The following NTM variants were observed in gnomAD, a reference collection of about 807,000 sequenced individuals.
NTM encodes the protein neurotrimin, also known as IgLON family member 2.
A neutral mutation model predicts 42.1 loss-of-function variants in NTM; 13 were observed. The ratio of observed to expected loss-of-function variants is 0.31; its 90% CI spans 0.20 to 0.49. NTM has a LOEUF of 0.49. Ranked by LOEUF, NTM falls within the 20% of genes least tolerant of loss-of-function variation. The probability of loss-of-function intolerance (pLI) is 0.99; values close to 1 mark genes in which losing one functional copy is unlikely to be tolerated. For missense variants in NTM, 373 were observed against 452.8 expected, an observed-to-expected ratio of 0.82 and a Z score of 1.60; for synonymous variants, 187 against 179.2, an observed-to-expected ratio of 1.04 and a Z score of -0.35.
At chr11:132,086,195 GCGC>G (rs2059682445) in intron 2 of NTM, among the ~76,000 whole-genome samples, 1 of 151,740 alleles carries the variant, frequency 6.6e-6, no homozygotes, top group African/African-American at 2.4e-5. Flanking sequence ...ATGGTGGTGG[GCGC>G]CTGTAGTCCC....
intron 1 of NTM, among the ~76,000 whole-genome samples, chr11:131,424,595 C>CTTTTTTTTTTTTT (rs1446801058): frequency 1.5e-4 from 6 of 39,616 alleles, no homozygotes; most frequent in African/African-American, 6.4e-4. Flanking sequence ...TATTTCTTTT[C>CTTTTTTTTTTTTT]TTTTCTTTTT....
chr11:132,128,424 C>T (rs1344951945), intron 2 of NTM, among the ~76,000 whole-genome samples: 1 of 152,166 alleles, frequency 6.6e-6, no homozygotes, highest in Admixed American at 6.5e-5. Flanking sequence ...TGCCTGGGGA[C>T]TGTAGAGAGC....
At chr11:131,806,926 T>C (rs1731075387) in intron 1 of NTM, among the ~76,000 whole-genome samples, 1 of 152,162 alleles carries the variant, frequency 6.6e-6, no homozygotes, top group South Asian at 2.1e-4. Context: ...GTTATTAGGG[T>C]ATAAATATTG....
At chr11:131,704,445 T>C (rs1392662342) in intron 1 of NTM, among the ~76,000 whole-genome samples, 2 of 152,206 alleles carry the variant, frequency 1.3e-5, no homozygotes, top group African/African-American at 4.8e-5. Context: ...CCTCATTAGA[T>C]GGCCCCACCC....
intron 1 of NTM, among the ~76,000 whole-genome samples, chr11:131,496,228 G>T (rs1440221773): frequency 6.6e-6 from 1 of 152,202 alleles, no homozygotes; most frequent in African/African-American, 2.4e-5. Context: ...AGTCATAGCT[G>T]AGAATAACCT....
At chr11:131,636,663 G>T (rs185099324) in intron 1 of NTM, among the ~76,000 whole-genome samples, 1 of 152,318 alleles carries the variant, frequency 6.6e-6, no homozygotes, top group East Asian at 1.9e-4. Context: ...CAGAGCCCAC[G>T]GAAGGAGAAT....
intron 1 of NTM, among the ~76,000 whole-genome samples, chr11:131,583,766 T>A (rs1311097865): frequency 6.6e-6 from 1 of 152,116 alleles, no homozygotes; most frequent in Non-Finnish European, 1.5e-5. Context: ...TAGCAATAAA[T>A]CACAAACTGG....
At chr11:131,970,073 G>A (rs1048192763) in intron 2 of NTM, among the ~76,000 whole-genome samples, 3 of 152,192 alleles carry the variant, frequency 2.0e-5, no homozygotes, top group Non-Finnish European at 2.9e-5. Flanking sequence ...ACCTCAGAAT[G>A]TGCTGAGATT....
At chr11:132,054,189 T>C (rs1320715895) in intron 2 of NTM, among the ~76,000 whole-genome samples, 2 of 152,218 alleles carry the variant, frequency 1.3e-5, no homozygotes, top group Non-Finnish European at 2.9e-5. Context: ...TACTCCAGCC[T>C]GGGCAAAAGA....
chr11:132,257,128 AC>A (rs1275286740), intron 4 of NTM, among the ~76,000 whole-genome samples: 1 of 152,170 alleles, frequency 6.6e-6, no homozygotes, highest in African/African-American at 2.4e-5. Context: ...ATCAGTTTTG[AC>A]TTATTGCATG....
At chr11:132,300,956 G>A (rs1174395004) in intron 4 of NTM, among the ~76,000 whole-genome samples, 1 of 152,068 alleles carries the variant, frequency 6.6e-6, no homozygotes, top group East Asian at 1.9e-4. Context: ...ATTCCTCAAG[G>A]GGGACCTGGT....
intron 1 of NTM, among the ~76,000 whole-genome samples, chr11:131,867,206 T>G (rs1383872394): frequency 2.0e-5 from 3 of 152,190 alleles, no homozygotes; most frequent in Non-Finnish European, 2.9e-5. Context: ...AAGAATGTGG[T>G]CCCACTTACA....
At chr11:131,581,217 G>A (rs1421203653) in intron 1 of NTM, among the ~76,000 whole-genome samples, 1 of 152,202 alleles carries the variant, frequency 6.6e-6, no homozygotes, top group Non-Finnish European at 1.5e-5. Flanking sequence ...CGGGTTGCTG[G>A]CAGTCTTCCT....
chr11:131,567,395 G>A (rs1244528028), intron 1 of NTM, among the ~76,000 whole-genome samples: 15 of 152,130 alleles, frequency 9.9e-5, no homozygotes, highest in Admixed American at 9.8e-4. Context: ...GCTGAGGCAG[G>A]GCAATGGCTT....
rs148980083 is a variant in NTM at position 131,903,930 on chromosome 11, G to A, written c.83-7634G>A. On this transcript the variant is annotated intron_variant, in intron 1 of 8. Transcript: ENST00000683400. ...CATTAGACCTTCTCAGTGACACACA[G>A]ATCATGAAGATTTTTTTTTGTTTTT... Among the ~76,000 whole-genome samples the A allele has an allele frequency of 6.4e-4, 95 of 148,332 alleles. 1 individual carries two copies. The East Asian group carries it at 0.018, about 27-fold the overall frequency.
intron 2 of NTM, among the ~76,000 whole-genome samples, chr11:132,085,037 CAG>C (rs1215644264): frequency 2.0e-5 from 3 of 152,158 alleles, no homozygotes; most frequent in Non-Finnish European, 2.9e-5. Flanking sequence ...GCTCAATTTA[CAG>C]AGTTTAGTCA....
At chr11:131,679,998 G>C (rs904409613) in intron 1 of NTM, among the ~76,000 whole-genome samples, 1 of 152,212 alleles carries the variant, frequency 6.6e-6, no homozygotes, top group African/African-American at 2.4e-5. Context: ...CCTTGAGAAA[G>C]AATGATATTT....
chr11:132,203,596 T>A (rs959961211), intron 3 of NTM, among the ~76,000 whole-genome samples: 11 of 152,290 alleles, frequency 7.2e-5, no homozygotes, highest in Admixed American at 6.5e-4. Context: ...ACCCATATTA[T>A]TTCCATTTGA....
intron 1 of NTM, among the ~76,000 whole-genome samples, chr11:131,864,694 C>T (rs1454069009): frequency 6.6e-6 from 1 of 152,182 alleles, no homozygotes; most frequent in Non-Finnish European, 1.5e-5. Context: ...ATAGTCGGAC[C>T]TTCTACTGCA....
Sources: allele counts gnomAD v4.1 joint callset (sites outside exome capture counted in the v4.1 genomes callset), GRCh38; gene constraint gnomAD v4.1.1; transcripts MANE v1.5; gene names NCBI Gene and HGNC (gene_info 2026-07-23, HGNC 2026-07-21).